The following PHACTR1 variants were observed in gnomAD, a reference collection of about 807,000 sequenced individuals.
The protein encoded by PHACTR1 is RPEL repeat containing 1.
In PHACTR1, 16 loss-of-function variants were observed where a neutral mutation model predicts 69.2. That is an observed-to-expected ratio of 0.23 (90% CI 0.16 to 0.35). The LOEUF (loss-of-function observed/expected upper bound fraction) is 0.35, where lower values mean the gene tolerates loss of function less well. Ranked by LOEUF, PHACTR1 falls within the 10% of genes least tolerant of loss-of-function variation. PHACTR1 has a pLI of 1.00. For synonymous variants in PHACTR1, 312 were observed against 284.5 expected, an observed-to-expected ratio of 1.10 and a Z score of -0.97; for missense variants, 510 against 734.7, an observed-to-expected ratio of 0.69 and a Z score of 3.54.
At chr6:13,183,205 G>A (rs1762408224) in intron 7 of PHACTR1, among the ~76,000 whole-genome samples, 1 of 152,118 alleles carries the variant, frequency 6.6e-6, no homozygotes, top group Admixed American at 6.6e-5. Context: ...GATGCCATCT[G>A]ACTGTCATCT....
chr6:12,941,807 A>G (rs529492577), intron 4 of PHACTR1, among the ~76,000 whole-genome samples: 1 of 152,354 alleles, frequency 6.6e-6, no homozygotes, highest in East Asian at 1.9e-4. Context: ...GATGTTTGTA[A>G]CGCTGAAGGC....
chr6:12,729,899 G>A (rs1281453922), intron 3 of PHACTR1, among the ~76,000 whole-genome samples: 1 of 152,162 alleles, frequency 6.6e-6, no homozygotes, highest in African/African-American at 2.4e-5. Context: ...GAGAGTGAGA[G>A]AGAGGTTCTT....
At position 13,179,408 on chromosome 6, in the gene PHACTR1, G is replaced by A. The variant is rs1458775231; in HGVS notation, c.497-3111G>A. On this transcript the variant is annotated intron_variant, in intron 6 of 14. Coordinates refer to ENST00000332995, the MANE Select transcript of PHACTR1 (RefSeq NM_030948.6). This position sits in a 1 kb window ranked among gnomAD's most constrained non-coding sequence, Gnocchi z 4.2. Reference sequence around the variant, plus strand: ...ACAGCCCATTACATTAATGTTTCGTGTGTGTGTGTGTGTGTGTGTGTGTGT... The same window carrying A: ...ACAGCCCATTACATTAATGTTTCGTATGTGTGTGTGTGTGTGTGTGTGTGT... Among the ~76,000 whole-genome samples the A allele has an allele frequency of 7.5e-5, 4 of 53,128 alleles. No homozygotes were observed. The highest frequency in any genetic ancestry group is 2.2e-4 in the Non-Finnish European group (4 of 18,500). The allele number at this position is 53,128 out of a possible 152,430, so 34.9% of individuals were successfully genotyped here.
chr6:13,194,428 A>T (rs1434242698), intron 7 of PHACTR1, among the ~76,000 whole-genome samples: 3 of 148,214 alleles, frequency 2.0e-5, no homozygotes, highest in Admixed American at 1.3e-4. Context: ...GAAAGAAAGG[A>T]AAAAGAAAAG....
At chr6:12,974,385 A>T (rs1011354771) in intron 4 of PHACTR1, among the ~76,000 whole-genome samples, 1 of 152,098 alleles carries the variant, frequency 6.6e-6, no homozygotes, top group Non-Finnish European at 1.5e-5. Flanking sequence ...ATCACCATGG[A>T]CTTTTTCTAT....
intron 6 of PHACTR1, among the ~76,000 whole-genome samples, chr6:13,178,867 G>A (rs1761773199): frequency 6.6e-6 from 1 of 152,244 alleles, no homozygotes; most frequent in Non-Finnish European, 1.5e-5. Flanking sequence ...TCACCTTAGT[G>A]AGGCAAGTTA....
chr6:12,999,338 G>A (rs1180711038), intron 4 of PHACTR1, among the ~76,000 whole-genome samples: 2 of 152,166 alleles, frequency 1.3e-5, no homozygotes, highest in African/African-American at 4.8e-5. Flanking sequence ...GGTGGCTCAC[G>A]CCTGTAATCC....
chr6:13,265,602 C>G (rs1015262688), intron 10 of PHACTR1, among the ~76,000 whole-genome samples: 1 of 152,204 alleles, frequency 6.6e-6, no homozygotes, highest in South Asian at 2.1e-4. Context: ...CAGATGCTGA[C>G]TTCAGTTGTT....
At chr6:13,177,441 A>ATATG (rs1182528112) in intron 6 of PHACTR1, among the ~76,000 whole-genome samples, 5 of 141,926 alleles carry the variant, frequency 3.5e-5, no homozygotes, top group Non-Finnish European at 6.1e-5. Context: ...ATGTGTATAT[A>ATATG]TGTGTGTGTG....
chr6:12,988,823 T>A (rs546217019), intron 4 of PHACTR1, among the ~76,000 whole-genome samples: 20 of 152,334 alleles, frequency 1.3e-4, no homozygotes, highest in Non-Finnish European at 2.5e-4. Flanking sequence ...AAAATGGTGA[T>A]CACAGTAAGA....
At chr6:13,276,687 G>A (rs939345206) in intron 11 of PHACTR1, among the ~76,000 whole-genome samples, 18 of 152,088 alleles carry the variant, frequency 1.2e-4, no homozygotes, top group African/African-American at 1.7e-4. Context: ...CAGGAGAATC[G>A]CTTGAACTTG....
At chr6:12,777,263 G>A (rs1485687601) in intron 4 of PHACTR1, among the ~76,000 whole-genome samples, 2 of 149,302 alleles carry the variant, frequency 1.3e-5, no homozygotes, top group East Asian at 1.9e-4. Flanking sequence ...TTTATTTTAG[G>A]TTCAGGGGTA....
chr6:12,863,978 G>A (rs961736366), intron 4 of PHACTR1, among the ~76,000 whole-genome samples: 32 of 152,130 alleles, frequency 2.1e-4, no homozygotes, highest in Non-Finnish European at 2.9e-4. Context: ...ACAGTTGTTC[G>A]AGTTTCATGC....
chr6:12,973,183 G>T (rs1351011668), intron 4 of PHACTR1, among the ~76,000 whole-genome samples: 1 of 152,110 alleles, frequency 6.6e-6, no homozygotes, highest in African/African-American at 2.4e-5. Flanking sequence ...GAAACCCTTT[G>T]TTTAAAAGGA....
At chr6:12,717,856 A>T (rs2127552129) in intron 2 of PHACTR1, 113 bp downstream of exon 2, 1 of 152,342 alleles carries the variant, frequency 6.6e-6, no homozygotes, top group East Asian at 1.9e-4. Context: ...CAATTGGATT[A>T]GACTTCCAAG....
At chr6:12,785,577 G>C (rs1350220103) in intron 4 of PHACTR1, among the ~76,000 whole-genome samples, 1 of 152,158 alleles carries the variant, frequency 6.6e-6, no homozygotes, top group Non-Finnish European at 1.5e-5. Flanking sequence ...CTCTTGTGTT[G>C]AAGCAAAAGT....
intron 8 of PHACTR1, among the ~76,000 whole-genome samples, chr6:13,213,471 A>G (rs915489608): frequency 2.0e-5 from 3 of 152,160 alleles, no homozygotes; most frequent in Non-Finnish European, 4.4e-5. Context: ...CATACTTGCA[A>G]CAGGTTATGT....
chr6:12,908,467 G>A (rs1785997046), intron 4 of PHACTR1, among the ~76,000 whole-genome samples: 1 of 151,996 alleles, frequency 6.6e-6, no homozygotes, highest in African/African-American at 2.4e-5. Flanking sequence ...TGCATACGTG[G>A]AAAGAATAAT....
Position 13,256,187 on chromosome 6 carries a change from G to A in PHACTR1, c.1392-16673G>A, listed in dbSNP as rs532904828. Among the ~76,000 whole-genome samples the A allele has an allele frequency of 2.6e-5, 4 of 152,348 alleles. 1 individual carries two copies. In the East Asian group the frequency reaches 5.8e-4, roughly 22 times the overall value. On this transcript the variant is annotated intron_variant, in intron 10 of 14. Coordinates refer to ENST00000332995, the MANE Select transcript of PHACTR1 (RefSeq NM_030948.6). Reference sequence around the variant, plus strand: ...AAGCAGCAGCCTGAGCTGCACCTGGGCCCCTTTGAGCCATGGCTAGAGCTA... The same window carrying A: ...AAGCAGCAGCCTGAGCTGCACCTGGACCCCTTTGAGCCATGGCTAGAGCTA...
Sources: allele counts gnomAD v4.1 joint callset (sites outside exome capture counted in the v4.1 genomes callset), GRCh38; gene constraint gnomAD v4.1.1; non-coding constraint Gnocchi (gnomAD v3.1); transcripts MANE v1.5; gene names NCBI Gene and HGNC (gene_info 2026-07-23, HGNC 2026-07-21).